FBXW7: variants seen among roughly 807,000 people sequenced by gnomAD.
The protein encoded by FBXW7 is F-box/WD repeat-containing protein 7.
FBXW7 carries 11 observed loss-of-function variants against 86.3 expected under a neutral mutation model. The observed-to-expected ratio is 0.13, with a 90% confidence interval of 0.08 to 0.21. FBXW7 has a LOEUF of 0.21. Ranked by LOEUF, FBXW7 falls within the 10% of genes least tolerant of loss-of-function variation. The probability of loss-of-function intolerance (pLI) is 1.00; values close to 1 mark genes in which losing one functional copy is unlikely to be tolerated. For synonymous variants in FBXW7, 313 were observed against 297.9 expected (o/e 1.05, Z -0.52); for missense variants, 488 against 847.4 (o/e 0.58, Z 5.27).
intron 2 of FBXW7, among the ~76,000 whole-genome samples, chr4:152,482,999 GA>G (rs1745015828): frequency 6.6e-6 from 1 of 152,010 alleles, no homozygotes; most frequent in African/African-American, 2.4e-5. Flanking sequence ...TGGTCACAAA[GA>G]TCTTATTCTT....
chr4:152,448,328 T>A (rs1237148333), intron 2 of FBXW7, among the ~76,000 whole-genome samples: 1 of 152,248 alleles, frequency 6.6e-6, no homozygotes, highest in African/African-American at 2.4e-5. Flanking sequence ...GGATATCTAC[T>A]GCAAGGTCAA....
chr4:152,463,303 A>G (rs998995801), intron 2 of FBXW7, among the ~76,000 whole-genome samples: 1 of 152,076 alleles, frequency 6.6e-6, no homozygotes. Flanking sequence ...AAAAAAAAAG[A>G]ATGTTTTCTG....
chr4:152,470,764 T>C (rs2149650863), intron 2 of FBXW7, among the ~76,000 whole-genome samples: 1 of 152,280 alleles, frequency 6.6e-6, no homozygotes, highest in South Asian at 2.1e-4. Flanking sequence ...CAATTTACTC[T>C]GTATTTGAAA....
intron 4 of FBXW7, among the ~76,000 whole-genome samples, chr4:152,383,209 T>C (rs968543526): frequency 1.3e-5 from 2 of 152,164 alleles, no homozygotes; most frequent in Admixed American, 6.6e-5. Context: ...GAAGTAATTA[T>C]AGTAAAATGG....
intron 4 of FBXW7, among the ~76,000 whole-genome samples, chr4:152,373,579 G>T (rs1374473706): frequency 6.6e-6 from 1 of 151,866 alleles, no homozygotes; most frequent in African/African-American, 2.4e-5. Context: ...CATAAGACAA[G>T]ACACGATCCC....
chr4:152,450,950 TATTA>T (rs1427373750), intron 2 of FBXW7, among the ~76,000 whole-genome samples: 1 of 152,250 alleles, frequency 6.6e-6, no homozygotes, highest in Non-Finnish European at 1.5e-5. Flanking sequence ...TTGGATCTTA[TATTA>T]ATTATAACTT....
chr4:152,507,726 GAAGAGA>G (rs1368246428), intron 2 of FBXW7, among the ~76,000 whole-genome samples: 1 of 152,138 alleles, frequency 6.6e-6, no homozygotes, highest in East Asian at 1.9e-4. Context: ...AAAAGCACAA[GAAGAGA>G]CTAGAACATT....
intron 6 of FBXW7, among the ~76,000 whole-genome samples, chr4:152,340,924 A>C (rs1400782704): frequency 6.6e-6 from 1 of 152,206 alleles, no homozygotes. Context: ...CAGGCCAAGA[A>C]GTCTTTGGTC....
intron 2 of FBXW7, among the ~76,000 whole-genome samples, chr4:152,471,274 C>G (rs955673690): frequency 6.0e-5 from 9 of 150,472 alleles, no homozygotes; most frequent in East Asian, 1.9e-4. Flanking sequence ...AATACTGTCA[C>G]GATATTTAGG....
chr4:152,326,111 C>T lies in FBXW7; in HGVS notation c.1539G>A (p.Arg513=), dbSNP rs1470769938. The T allele has an allele frequency of 6.2e-7, 1 of 1,613,420 alleles. No homozygotes were observed. The highest frequency in any genetic ancestry group is 1.1e-5 in the South Asian group (1 of 91,074). ...AVRCVQYDGR[R]VVSGAYDFMV... is the part of the protein sequence containing the mutation. The stretch of plus-strand genomic sequence containing the variant: ...TAAAATCATATGCTCCACTAACAAC[C>T]CTCCTGCCATCATATTGAACACAGC... The change falls in exon 12 of 14, where the codon AGG becomes AGA. Residue 513 remains arginine (R), a synonymous_variant. Coordinates refer to ENST00000281708, the MANE Select transcript of FBXW7 (RefSeq NM_001349798.2).
In FBXW7 at chr4:152,535,606, G is replaced by T; in HGVS notation, c.-692C>A. ...CGGCGGCAAGGCGAGGGACCCGGCC[G>T]GCTCCGCTCGGCGCCGCCCCCGCTC... On this transcript the variant is annotated 5_prime_UTR_variant, in exon 1 of 14. Transcript: ENST00000281708. The T allele has an allele frequency of 2.5e-6, 1 of 397,128 alleles. No homozygotes were observed. The allele number at this position is 397,128 out of a possible 1,614,324, so 24.6% of individuals were successfully genotyped here. A position where few individuals can be genotyped will look rare whatever the true frequency, so the allele number is the denominator to read the frequency against.
chr4:152,345,704 T>C (rs1430972899), intron 6 of FBXW7, among the ~76,000 whole-genome samples: 1 of 151,946 alleles, frequency 6.6e-6, no homozygotes, highest in Non-Finnish European at 1.5e-5. Context: ...ACCTGAAGGG[T>C]AGAAAACAAT....
At chr4:152,474,437 TA>T (rs1744220751) in intron 2 of FBXW7, among the ~76,000 whole-genome samples, 1 of 152,210 alleles carries the variant, frequency 6.6e-6, no homozygotes, top group Non-Finnish European at 1.5e-5. Context: ...TAAAGGTTTT[TA>T]AAAAGCACAG....
At chr4:152,460,745 T>C (rs893349750) in intron 2 of FBXW7, among the ~76,000 whole-genome samples, 1 of 152,194 alleles carries the variant, frequency 6.6e-6, no homozygotes, top group Admixed American at 6.5e-5. Flanking sequence ...TTTTTGTGTG[T>C]GTTTATCCTG....
At chr4:152,516,093 G>C (rs1436750647) in intron 2 of FBXW7, among the ~76,000 whole-genome samples, 1 of 152,196 alleles carries the variant, frequency 6.6e-6, no homozygotes, top group Non-Finnish European at 1.5e-5. Flanking sequence ...AGCCCCGGCT[G>C]ATTCCTTAAT....
rs188026551 is a variant in FBXW7 at position 152,441,000 on chromosome 4, G to A, written c.-119-28471C>T. ...TCTATGTAGAAATTTTAAGATGGAA[G>A]CGGCAATATATCTTTCTTATTGAAA... On this transcript the variant is annotated intron_variant, in intron 2 of 13. Coordinates refer to ENST00000281708, the MANE Select transcript of FBXW7 (RefSeq NM_001349798.2). Among the ~76,000 whole-genome samples, 5 of 151,864 alleles carry A rather than the reference G, an allele frequency of 3.3e-5. No homozygotes were observed. The East Asian group carries it at 9.7e-4, about 29-fold the overall frequency.
At chr4:152,495,358 T>C (rs1425952571) in intron 2 of FBXW7, among the ~76,000 whole-genome samples, 1 of 152,088 alleles carries the variant, frequency 6.6e-6, no homozygotes, top group African/African-American at 2.4e-5. Flanking sequence ...GAAGAATCGC[T>C]TGAAACCGGG....
intron 2 of FBXW7, among the ~76,000 whole-genome samples, chr4:152,483,892 T>C (rs1219448583): frequency 1.3e-5 from 2 of 152,144 alleles, no homozygotes; most frequent in Non-Finnish European, 2.9e-5. Context: ...ATAACAATAC[T>C]GGTCTTTATT....
intron 2 of FBXW7, among the ~76,000 whole-genome samples, chr4:152,491,662 T>C (rs1032719760): frequency 3.3e-5 from 5 of 152,148 alleles, no homozygotes; most frequent in Admixed American, 2.0e-4. Flanking sequence ...TTTATTAAGC[T>C]GGCAGTCAGA....
Sources: allele counts gnomAD v4.1 joint callset (sites outside exome capture counted in the v4.1 genomes callset), GRCh38; gene constraint gnomAD v4.1.1; transcripts MANE v1.5; gene names NCBI Gene and HGNC (gene_info 2026-07-23, HGNC 2026-07-21).